GNAZ: variants seen among roughly 807,000 people sequenced by gnomAD.
The protein encoded by GNAZ is guanine nucleotide-binding protein G(z) subunit alpha.
Under a neutral mutation model 25.4 loss-of-function variants are expected in GNAZ, and 3 were observed. The observed-to-expected ratio is 0.12, with a 90% CI of 0.05 to 0.30. The LOEUF (loss-of-function observed/expected upper bound fraction) is 0.30. GNAZ is among the 10% of genes least tolerant of loss of function. The probability of loss-of-function intolerance (pLI) is 1.00; values close to 1 mark genes in which losing one functional copy is unlikely to be tolerated. For synonymous variants in GNAZ, 211 were observed against 205.7 expected, an observed-to-expected ratio of 1.03 and a Z score of -0.22; for missense variants, 241 against 501.8, an observed-to-expected ratio of 0.48 and a Z score of 4.97.
At chr22:23,075,214 C>T (rs2068479512) in intron 1 of GNAZ, among the ~76,000 whole-genome samples, 3 of 152,168 alleles carry the variant, frequency 2.0e-5, no homozygotes. Context: ...CTCCTCCCTT[C>T]CCTGAGTGGG....
intron 2 of GNAZ, among the ~76,000 whole-genome samples, chr22:23,105,301 G>A (rs1225822111): frequency 6.6e-6 from 1 of 152,244 alleles, no homozygotes; most frequent in Non-Finnish European, 1.5e-5. Flanking sequence ...CTGCCCCACA[G>A]GGCCACCCAG....
At chr22:23,118,749 T>G (rs1025142512) in intron 2 of GNAZ, among the ~76,000 whole-genome samples, 6 of 152,166 alleles carry the variant, frequency 3.9e-5, no homozygotes, top group Admixed American at 3.3e-4. Flanking sequence ...TGCACTACCA[T>G]GGGGCAGGGC....
intron 2 of GNAZ, among the ~76,000 whole-genome samples, chr22:23,100,667 C>T (rs545284674): frequency 2.2e-4 from 34 of 152,380 alleles, no homozygotes; most frequent in African/African-American, 6.7e-4. Flanking sequence ...CCACCCGGCA[C>T]AGCCTGTGCT....
intron 2 of GNAZ, among the ~76,000 whole-genome samples, chr22:23,097,055 C>T (rs571061467): frequency 6.6e-6 from 1 of 152,308 alleles, no homozygotes; most frequent in Admixed American, 6.5e-5. Flanking sequence ...AAGGGGGCCA[C>T]AGCCAGGAGT....
Position 23,071,212 on chromosome 22 carries a change from G to C in GNAZ, c.-450+642G>C, listed in dbSNP as rs2068363289. 6.6e-6 allele frequency among the ~76,000 whole-genome samples: 1 copy of C among 152,198 alleles called. No individual in the cohort carries two copies. Among genetic ancestry groups the C allele is most frequent in the Non-Finnish European group, 1.5e-5 (1 of 68,028 alleles). ...TATTTTTTCCCTTAAAAGGCGGTGG[G>C]GGTGTTTGGGGGAGGGGAGTGAGGG... On this transcript the variant is annotated intron_variant, in intron 1 of 2. Transcript: ENST00000615612. The surrounding 1 kb of genome is among the most constrained non-coding windows in gnomAD (Gnocchi z 4.1).
chr22:23,107,440 G>A (rs1420745983), intron 2 of GNAZ, among the ~76,000 whole-genome samples: 2 of 152,170 alleles, frequency 1.3e-5, no homozygotes, highest in Admixed American at 6.5e-5. Context: ...GGGAAAAGTC[G>A]AGGGCCTCAT....
chr22:23,094,367 C>T (rs975016389), intron 1 of GNAZ, among the ~76,000 whole-genome samples: 4 of 151,996 alleles, frequency 2.6e-5, no homozygotes, highest in Admixed American at 6.5e-5. Context: ...TAGGGTGTGC[C>T]CCTCCCTGCT....
chr22:23,083,570 G>T (rs553638469), intron 1 of GNAZ, among the ~76,000 whole-genome samples: 117 of 152,266 alleles, frequency 7.7e-4, no homozygotes, highest in African/African-American at 2.8e-3. Context: ...CTGGTGCTTG[G>T]GGGAGGGAGG....
In GNAZ at chr22:23,071,128, G is replaced by C. The variant is rs992130420; in HGVS notation, c.-450+558G>C. Reference sequence around the variant, plus strand: ...CTTGCAGCGAGCAGGTTCCTCACAGGCATTTAGAGGAAGAGATGAGTATCG... The same window carrying C: ...CTTGCAGCGAGCAGGTTCCTCACAGCCATTTAGAGGAAGAGATGAGTATCG... On this transcript the variant is annotated intron_variant, in intron 1 of 2. Transcript: ENST00000615612. The surrounding 1 kb of genome is among the most constrained non-coding windows in gnomAD (Gnocchi z 4.1). Among the ~76,000 whole-genome samples the C allele has an allele frequency of 2.0e-5, 3 of 152,194 alleles. No homozygotes were observed. The highest frequency in any genetic ancestry group is 7.2e-5 in the African/African-American group (3 of 41,446).
intron 1 of GNAZ, among the ~76,000 whole-genome samples, chr22:23,092,814 G>C (rs147391389): frequency 3.9e-4 from 59 of 152,324 alleles, no homozygotes; most frequent in African/African-American, 1.3e-3. Flanking sequence ...CCCACCACTG[G>C]GGACAGAAGG....
chr22:23,080,007 A>AT (rs1347863004), intron 1 of GNAZ, among the ~76,000 whole-genome samples: 3 of 152,116 alleles, frequency 2.0e-5, no homozygotes, highest in Admixed American at 1.3e-4. Flanking sequence ...TGAGGGTTTG[A>AT]TGGAGTCAGC....
intron 2 of GNAZ, among the ~76,000 whole-genome samples, chr22:23,099,933 G>C (rs1364173451): frequency 6.6e-6 from 1 of 152,252 alleles, no homozygotes; most frequent in Non-Finnish European, 1.5e-5. Flanking sequence ...TCAGCTAATG[G>C]ACTCTGCTGG....
chr22:23,109,475 G>A (rs2069581662), intron 2 of GNAZ, among the ~76,000 whole-genome samples: 1 of 152,182 alleles, frequency 6.6e-6, no homozygotes, highest in Non-Finnish European at 1.5e-5. Flanking sequence ...GAGAGGGGTG[G>A]GTGCTGAGCC....
At chr22:23,120,108 G>A (rs536800976) in intron 2 of GNAZ, among the ~76,000 whole-genome samples, 10 of 152,290 alleles carry the variant, frequency 6.6e-5, no homozygotes, top group African/African-American at 2.4e-4. Context: ...GTGAGGCACC[G>A]TGCCCACCTC....
intron 2 of GNAZ, among the ~76,000 whole-genome samples, chr22:23,117,863 C>G (rs1330130976): frequency 6.6e-6 from 1 of 152,194 alleles, no homozygotes; most frequent in African/African-American, 2.4e-5. Flanking sequence ...GGTGGAGAAT[C>G]AGGAGTGAGA....
chr22:23,080,969 C>T (rs1356398936), intron 1 of GNAZ, among the ~76,000 whole-genome samples: 2 of 152,248 alleles, frequency 1.3e-5, no homozygotes, highest in African/African-American at 2.4e-5. Flanking sequence ...TGCCCTTCCA[C>T]ATGTATCCCT....
At chr22:23,116,499 C>T (rs1456272783) in intron 2 of GNAZ, among the ~76,000 whole-genome samples, 3 of 152,254 alleles carry the variant, frequency 2.0e-5, no homozygotes, top group Non-Finnish European at 4.4e-5. Flanking sequence ...ACTGAGCTAC[C>T]TCATGCAGGA....
rs17853740 is a variant in GNAZ, at chr22:23,096,382, C to T, written c.687C>T (p.Ser229=). The T allele has an allele frequency of 3.3e-3, 5,380 of 1,611,652 alleles. 10 individuals are homozygous for T. The highest frequency in any genetic ancestry group is 5.0e-3 in the Middle Eastern group (30 of 6,060). ...VTAIIFCVEL[S]GYDLKLYEDN... is the part of the protein sequence containing the mutation. Reference sequence around the variant, plus strand: ...CCATCATCTTCTGTGTGGAGCTCAGCGGCTACGACCTGAAACTCTACGAGG... The same window carrying T: ...CCATCATCTTCTGTGTGGAGCTCAGTGGCTACGACCTGAAACTCTACGAGG... The change falls in exon 2 of 3, where the codon AGC becomes AGT. Residue 229 remains serine, a synonymous_variant. Transcript: ENST00000615612.
chr22:23,123,201 C>G lies in GNAZ; in HGVS notation c.838C>G (p.Arg280Gly). The G allele has an allele frequency of 6.2e-7, 1 of 1,613,954 alleles. No individual in the cohort carries two copies. The highest frequency in any genetic ancestry group is 8.5e-7 in the Non-Finnish European group (1 of 1,179,830). Residue 280 changes from arginine (R) to glycine (G), a missense_variant, in exon 3 of 3, where the codon CGC (arginine) becomes GGC (glycine). Transcript: ENST00000615612. ...NKKDLLAEKI[R>G]RIPLTICFPE... ...GAAGGACCTGCTGGCAGAGAAGATCCGCCGCATCCCGCTCACCATCTGCTT... is the reference window on the plus strand; with the variant it reads ...GAAGGACCTGCTGGCAGAGAAGATCGGCCGCATCCCGCTCACCATCTGCTT...
Sources: allele counts gnomAD v4.1 joint callset (sites outside exome capture counted in the v4.1 genomes callset), GRCh38; gene constraint gnomAD v4.1.1; non-coding constraint Gnocchi (gnomAD v3.1); transcripts MANE v1.5; gene names NCBI Gene and HGNC (gene_info 2026-07-23, HGNC 2026-07-21).